The following TAF4B variants were observed in gnomAD, a reference collection of about 807,000 sequenced individuals.
TAF4B encodes the protein transcription initiation factor TFIID subunit 4B.
In TAF4B, 38 loss-of-function variants were observed where a neutral mutation model predicts 86.4. The observed-to-expected ratio is 0.44, with a 90% CI of 0.34 to 0.58. The LOEUF is 0.58. TAF4B is among the 20% of genes least tolerant of loss of function. The pLI is 0.02. For missense variants in TAF4B, 988 were observed against 1,027.6 expected (o/e 0.96, Z 0.53); for synonymous variants, 388 against 391.2 (o/e 0.99, Z 0.10).
chr18:26,361,993 A>C (rs1422408780), intron 14 of TAF4B, among the ~76,000 whole-genome samples: 1 of 152,104 alleles, frequency 6.6e-6, no homozygotes, highest in Non-Finnish European at 1.5e-5. Flanking sequence ...GTTACTTGTA[A>C]CTTTTAATTC....
intron 1 of TAF4B, among the ~76,000 whole-genome samples, chr18:26,236,865 T>C (rs1404056264): frequency 2.0e-5 from 3 of 152,346 alleles, no homozygotes; most frequent in Admixed American, 1.3e-4. Context: ...TCTCCTGATA[T>C]CTGCAGCTGA....
intron 10 of TAF4B, among the ~76,000 whole-genome samples, chr18:26,316,411 G>A (rs2056912541): frequency 6.6e-6 from 1 of 151,810 alleles, no homozygotes; most frequent in Non-Finnish European, 1.5e-5. Flanking sequence ...CCTCAAGATG[G>A]AGGGAGCCTC....
At chr18:26,346,773 A>ATATATATATATATATATATG (rs1404902479) in intron 13 of TAF4B, among the ~76,000 whole-genome samples, 3 of 24,112 alleles carry the variant, frequency 1.2e-4, no homozygotes, top group African/African-American at 3.2e-4. Flanking sequence ...ATATATATAT[A>ATATATATATATATATATATG]TGTGTGTGTA....
At chr18:26,303,570 C>T (rs1190119097) in intron 9 of TAF4B, among the ~76,000 whole-genome samples, 2 of 88,874 alleles carry the variant, frequency 2.3e-5, no homozygotes, top group African/African-American at 9.8e-5. Context: ...ACTTTCATAC[C>T]CCCTCCACTT....
At chr18:26,252,395 A>G (rs2056019405) in intron 1 of TAF4B, among the ~76,000 whole-genome samples, 1 of 152,148 alleles carries the variant, frequency 6.6e-6, no homozygotes, top group Admixed American at 6.5e-5. Context: ...TACTTCTAAT[A>G]GTTTTTTAGA....
intron 7 of TAF4B, among the ~76,000 whole-genome samples, chr18:26,287,776 G>C (rs568011394): frequency 1.3e-5 from 2 of 152,296 alleles, no homozygotes; most frequent in South Asian, 4.2e-4. Flanking sequence ...AGAATAAGAG[G>C]TATCTGAGTG....
At chr18:26,321,286 A>G in intron 11 of TAF4B, 86 bp downstream of exon 11, 2 of 1,419,446 alleles carry the variant, frequency 1.4e-6, no homozygotes, top group Admixed American at 1.9e-5. Flanking sequence ...ACACGTTTTT[A>G]AAGGAATGGT....
intron 9 of TAF4B, among the ~76,000 whole-genome samples, chr18:26,296,483 G>A (rs2056664200): frequency 6.6e-6 from 1 of 151,418 alleles, no homozygotes; most frequent in Non-Finnish European, 1.5e-5. Flanking sequence ...GAGGCATGGG[G>A]TGGGGTGGGG....
Position 26,226,655 on chromosome 18 carries a change from C to T in TAF4B, c.-279C>T, listed in dbSNP as rs890916306. 1.2e-5 allele frequency: 4 copies of T among 326,878 alleles called. No individual in the cohort carries two copies. The highest frequency in any genetic ancestry group is 9.9e-5 in the Admixed American group (2 of 20,198). The allele number at this position is 326,878 out of a possible 1,614,324, so 20.2% of individuals were successfully genotyped here. ...CCGAGCCTGAGGCGCAGGGCTGAGG[C>T]AGCGCACGTGTGAGCGCCGCTGAGG... is the stretch of plus-strand genomic sequence containing the variant. On this transcript the variant is annotated 5_prime_UTR_variant, in exon 1 of 15. Transcript: ENST00000269142.
intron 6 of TAF4B, among the ~76,000 whole-genome samples, chr18:26,282,549 AT>A (rs571233292): frequency 9.3e-4 from 142 of 152,354 alleles, no homozygotes; most frequent in African/African-American, 3.2e-3. Context: ...TCAGCAAGTT[AT>A]AATATTTTTG....
chr18:26,280,644 A>G (rs1227154612), intron 5 of TAF4B, among the ~76,000 whole-genome samples: 3 of 152,180 alleles, frequency 2.0e-5, no homozygotes, highest in African/African-American at 7.2e-5. Context: ...CTAAGAAGTC[A>G]AAAAACAGAT....
chr18:26,318,886 T>C, intron 10 of TAF4B, among the ~76,000 whole-genome samples: 1 of 152,212 alleles, frequency 6.6e-6, no homozygotes, highest in East Asian at 1.9e-4. Context: ...TGAATACATA[T>C]GAAATTATTT....
At chr18:26,316,994 A>C (rs1468697847) in intron 10 of TAF4B, among the ~76,000 whole-genome samples, 2 of 148,110 alleles carry the variant, frequency 1.4e-5, no homozygotes, top group African/African-American at 5.0e-5. Context: ...ATATAAGTAG[A>C]TACTTAGTTT....
chr18:26,301,049 T>G (rs1460256443), intron 9 of TAF4B, among the ~76,000 whole-genome samples: 1 of 152,182 alleles, frequency 6.6e-6, no homozygotes, highest in Non-Finnish European at 1.5e-5. Flanking sequence ...ATCCAACGGT[T>G]GACTTACCTC....
At chr18:26,335,506 T>A (rs531242497) in intron 13 of TAF4B, among the ~76,000 whole-genome samples, 77 of 151,652 alleles carry the variant, frequency 5.1e-4, no homozygotes, top group South Asian at 3.1e-3. Context: ...TGTGAGATTT[T>A]AAAAAAAAAG....
intron 9 of TAF4B, among the ~76,000 whole-genome samples, chr18:26,314,687 G>C (rs2056884273): frequency 6.6e-6 from 1 of 152,172 alleles, no homozygotes; most frequent in South Asian, 2.1e-4. Context: ...ATGTGGATAT[G>C]GACCTTTCAG....
chr18:26,274,670 C>G lies in TAF4B; in HGVS notation c.605C>G (p.Ala202Gly), dbSNP rs1435130372. The change falls in exon 4 of 15, where the codon GCT becomes GGT. Residue 202 changes from alanine (A) to glycine (G), a missense_variant. Transcript: ENST00000269142. ...VPKPSSVQSV[A>G]VPTSVVTVTP... ...TAATACCTTTAATTTCAGTCTGTGG[C>G]TGTGCCAACCAGTGTCGTCACAGTT... The G allele has an allele frequency of 1.9e-6, 3 of 1,614,168 alleles. No individual in the cohort carries two copies. The East Asian group carries it at 6.7e-5, about 36-fold the overall frequency.
At chr18:26,281,490 G>C (rs1219025434) in intron 5 of TAF4B, among the ~76,000 whole-genome samples, 2 of 152,166 alleles carry the variant, frequency 1.3e-5, no homozygotes, top group Non-Finnish European at 2.9e-5. Flanking sequence ...CTGGCATCAA[G>C]TTATTTTGGA....
chr18:26,345,113 G>T (rs1237495445), intron 13 of TAF4B, among the ~76,000 whole-genome samples: 1 of 152,126 alleles, frequency 6.6e-6, no homozygotes, highest in Non-Finnish European at 1.5e-5. Flanking sequence ...ACCAAGATAT[G>T]CCTGCTTGTA....
Sources: allele counts gnomAD v4.1 joint callset (sites outside exome capture counted in the v4.1 genomes callset), GRCh38; gene constraint gnomAD v4.1.1; transcripts MANE v1.5; gene names NCBI Gene and HGNC (gene_info 2026-07-23, HGNC 2026-07-21).